Variants in MAGI1 observed in about 807,000 individuals in gnomAD.
MAGI1 encodes the protein membrane-associated guanylate kinase, WW and PDZ domain-containing protein 1.
In MAGI1, 58 loss-of-function variants were observed where a neutral mutation model predicts 139.9. The observed-to-expected ratio is 0.41, with a 90% CI of 0.34 to 0.52. MAGI1 has a LOEUF of 0.52. Among genes scored for constraint, MAGI1 ranks in the 20% least tolerant of loss-of-function variants. MAGI1 has a pLI of 0.12. For missense variants in MAGI1, 1,874 were observed against 1,901.6 expected (o/e 0.99, Z 0.27); for synonymous variants, 812 against 737.9 (o/e 1.10, Z -1.63).
rs368029133 is a variant in MAGI1 at position 65,891,058 on chromosome 3, C to T, written c.313+146938G>A. ...CAAAACCCCATCTCTACAAAAATTA[C>T]AAAAATTAGCCAGGCACGGTGGCAT... is the stretch of plus-strand genomic sequence containing the variant. On this transcript the variant is annotated intron_variant, in intron 1 of 22. Coordinates refer to ENST00000402939, the MANE Select transcript of MAGI1 (RefSeq NM_001033057.2). Among the ~76,000 whole-genome samples the T allele has an allele frequency of 4.1e-4, 62 of 151,740 alleles. 2 individuals are homozygous for T. The South Asian group carries it at 0.012, about 30-fold the overall frequency.
At chr3:66,004,693 G>A (rs910644415) in intron 1 of MAGI1, among the ~76,000 whole-genome samples, 1 of 152,062 alleles carries the variant, frequency 6.6e-6, no homozygotes, top group African/African-American at 2.4e-5. Flanking sequence ...CCAACTTTGG[G>A]AAAAAAATGC....
At chr3:65,899,382 T>C (rs1408090747) in intron 1 of MAGI1, among the ~76,000 whole-genome samples, 1 of 152,184 alleles carries the variant, frequency 6.6e-6, no homozygotes, top group Non-Finnish European at 1.5e-5. Flanking sequence ...TTCTTACTAA[T>C]AACATGTCCC....
At chr3:65,564,362 T>C (rs1254957462) in intron 2 of MAGI1, among the ~76,000 whole-genome samples, 1 of 152,218 alleles carries the variant, frequency 6.6e-6, no homozygotes, top group Non-Finnish European at 1.5e-5. Context: ...TCCACTGCCA[T>C]CTTCTGCCCC....
chr3:65,719,572 G>T (rs1446578335), intron 1 of MAGI1, among the ~76,000 whole-genome samples: 9 of 149,320 alleles, frequency 6.0e-5, no homozygotes, highest in South Asian at 2.1e-4. Flanking sequence ...TTGAAACAGG[G>T]TCTCACTCTG....
At chr3:65,493,909 A>G (rs1322693596) in intron 2 of MAGI1, among the ~76,000 whole-genome samples, 8 of 152,192 alleles carry the variant, frequency 5.3e-5, no homozygotes, top group African/African-American at 1.9e-4. Context: ...CATTTTTGAT[A>G]ATGCACTGAA....
intron 2 of MAGI1, among the ~76,000 whole-genome samples, chr3:65,588,073 G>C (rs919420002): frequency 1.3e-5 from 2 of 152,074 alleles, no homozygotes; most frequent in African/African-American, 4.8e-5. Context: ...CAAATCGCTG[G>C]CTCATCTGCC....
intron 1 of MAGI1, among the ~76,000 whole-genome samples, chr3:65,974,189 C>A (rs569544887): frequency 6.6e-6 from 1 of 152,058 alleles, no homozygotes; most frequent in African/African-American, 2.4e-5. Context: ...TTTGCTCCTT[C>A]AAAGCATGGA....
intron 1 of MAGI1, among the ~76,000 whole-genome samples, chr3:65,959,800 T>C (rs867651616): frequency 0.013 from 993 of 78,028 alleles, 3 homozygotes; most frequent in Non-Finnish European, 0.019. Flanking sequence ...AATTCTCTCT[T>C]TTTTTTTTTT....
At chr3:65,926,334 TC>T (rs2062508330) in intron 1 of MAGI1, among the ~76,000 whole-genome samples, 3 of 144,594 alleles carry the variant, frequency 2.1e-5, no homozygotes, top group African/African-American at 5.4e-5. Context: ...CTTTTCTCTC[TC>T]TCTCTCTCTC....
At chr3:65,361,375 T>C in intron 21 of MAGI1, 38 bp from the exon 22 acceptor site, 2 of 1,606,586 alleles carry the variant, frequency 1.2e-6, no homozygotes, top group Non-Finnish European at 1.7e-6. Context: ...GATTTGAAAT[T>C]CATGTACGGA....
At chr3:65,643,699 C>G (rs577142121) in intron 1 of MAGI1, among the ~76,000 whole-genome samples, 33 of 152,106 alleles carry the variant, frequency 2.2e-4, no homozygotes, top group African/African-American at 7.5e-4. Flanking sequence ...TTCTCTCTAG[C>G]TAAAGAATTA....
rs57082137 is a variant in MAGI1, at chr3:65,818,043, AGT to A, written c.314-195957_314-195956del. On this transcript the variant is annotated intron_variant, in intron 1 of 22. Coordinates refer to ENST00000402939, the MANE Select transcript of MAGI1 (RefSeq NM_001033057.2). ...TAGAAAACAACTAAGTAAAATTATG[AGT>A]GTGTGTGTGTGTGTGTGTGTGTGTC... 5.6e-3 allele frequency among the ~76,000 whole-genome samples: 837 copies of A among 149,098 alleles called. 6 individuals are homozygous for A. Among genetic ancestry groups the A allele is most frequent in the Admixed American group, 0.032 (479 of 14,900 alleles).
At chr3:65,408,625 A>G (rs961398939) in intron 12 of MAGI1, among the ~76,000 whole-genome samples, 5 of 152,214 alleles carry the variant, frequency 3.3e-5, no homozygotes, top group Admixed American at 6.5e-5. Flanking sequence ...CCCTTCTAAA[A>G]AAAAGCCATC....
chr3:65,783,888 C>T (rs562200490), intron 1 of MAGI1, among the ~76,000 whole-genome samples: 10 of 151,962 alleles, frequency 6.6e-5, no homozygotes, highest in East Asian at 3.9e-4. Flanking sequence ...TTTGGGAGGC[C>T]GAGGCAGATG....
Position 66,038,368 on chromosome 3 carries a change from G to A in MAGI1, c.-60C>T. ...GAGAGACAGGTGCCCCCCACAGCAC[G>A]AGCCCCCAAGCCTCCGCTTGTTCAT... On this transcript the variant is annotated 5_prime_UTR_variant, in exon 1 of 23. Coordinates refer to ENST00000402939, the MANE Select transcript of MAGI1 (RefSeq NM_001033057.2). 4 of 1,501,444 alleles carry A rather than the reference G, an allele frequency of 2.7e-6. No homozygotes were observed. Among genetic ancestry groups the A allele is most frequent in the Non-Finnish European group, 3.5e-6 (4 of 1,130,448 alleles). The allele number at this position is 1,501,444 out of a possible 1,614,324, so 93.0% of individuals were successfully genotyped here.
At chr3:65,667,614 C>T (rs1004691858) in intron 1 of MAGI1, among the ~76,000 whole-genome samples, 1 of 151,964 alleles carries the variant, frequency 6.6e-6, no homozygotes, top group African/African-American at 2.4e-5. Flanking sequence ...TTTTTTCACC[C>T]GGGCTGGTGC....
At chr3:65,690,104 C>T (rs776802924) in intron 1 of MAGI1, among the ~76,000 whole-genome samples, 8 of 152,088 alleles carry the variant, frequency 5.3e-5, no homozygotes, top group Non-Finnish European at 1.2e-4. Flanking sequence ...ACTCACTGGG[C>T]CCAAATCAGC....
chr3:65,559,394 A>G (rs747279056), intron 2 of MAGI1, among the ~76,000 whole-genome samples: 6 of 152,236 alleles, frequency 3.9e-5, no homozygotes, highest in Non-Finnish European at 8.8e-5. Flanking sequence ...AATTTCAGGG[A>G]TACTTCCACC....
At chr3:65,508,395 C>T (rs1379035424) in intron 2 of MAGI1, among the ~76,000 whole-genome samples, 1 of 151,438 alleles carries the variant, frequency 6.6e-6, no homozygotes, top group African/African-American at 2.4e-5. Context: ...CAGAGTGAGA[C>T]TCTGTCTCAA....
Sources: allele counts gnomAD v4.1 joint callset (sites outside exome capture counted in the v4.1 genomes callset), GRCh38; gene constraint gnomAD v4.1.1; transcripts MANE v1.5; gene names NCBI Gene and HGNC (gene_info 2026-07-23, HGNC 2026-07-21).